The following PHF21B variants were observed in gnomAD, a reference collection of about 807,000 sequenced individuals.
The protein encoded by PHF21B is PHD finger protein 4.
Under a neutral mutation model 62.2 loss-of-function variants are expected in PHF21B, and 22 were observed. The observed-to-expected ratio is 0.35, with a 90% CI of 0.25 to 0.51. The LOEUF is 0.51. PHF21B is among the 20% of genes least tolerant of loss of function. PHF21B has a pLI of 0.97. For missense variants in PHF21B, 701 were observed against 707.9 expected (o/e 0.99, Z 0.11); for synonymous variants, 341 against 314.7 (o/e 1.08, Z -0.88).
intron 2 of PHF21B, among the ~76,000 whole-genome samples, chr22:44,939,155 G>C (rs1244351818): frequency 6.6e-6 from 1 of 152,230 alleles, no homozygotes; most frequent in Non-Finnish European, 1.5e-5. Context: ...CTCAGACAGG[G>C]CTGGGGAAGA....
intron 2 of PHF21B, among the ~76,000 whole-genome samples, chr22:45,007,491 C>T (rs1448624149): frequency 4.3e-5 from 6 of 138,718 alleles, no homozygotes; most frequent in African/African-American, 1.6e-4. Flanking sequence ...TTGGCGCTGG[C>T]GGCTGCGGCC....
chr22:44,964,509 A>ACT (rs1478683374), intron 2 of PHF21B, among the ~76,000 whole-genome samples: 6 of 152,206 alleles, frequency 3.9e-5, no homozygotes, highest in Non-Finnish European at 8.8e-5. Context: ...ACAGCCCCTG[A>ACT]CTCGGCAGGA....
At chr22:44,911,370 A>G (rs2071341139) in intron 5 of PHF21B, among the ~76,000 whole-genome samples, 1 of 152,152 alleles carries the variant, frequency 6.6e-6, no homozygotes, top group Non-Finnish European at 1.5e-5. Context: ...TCTCCAGGGA[A>G]TGTCAGAGAC....
In PHF21B at chr22:44,952,798, C is replaced by T. The variant is rs535547409; in HGVS notation, c.121-32308G>A. Among the ~76,000 whole-genome samples, 31 of 152,302 alleles carry T rather than the reference C, an allele frequency of 2.0e-4. 1 individual carries two copies. Among genetic ancestry groups the T allele is most frequent in the African/African-American group, 6.7e-4 (28 of 41,556 alleles). Reference sequence around the variant, plus strand: ...CTAAATAACCCCAGAGGTTCAGAGACCCTGGCAGCCCTCAGTGACGTGAAT... The same window carrying T: ...CTAAATAACCCCAGAGGTTCAGAGATCCTGGCAGCCCTCAGTGACGTGAAT... On this transcript the variant is annotated intron_variant, in intron 2 of 12. Transcript: ENST00000313237.
At chr22:44,965,637 T>C (rs1400702556) in intron 2 of PHF21B, among the ~76,000 whole-genome samples, 1 of 152,156 alleles carries the variant, frequency 6.6e-6, no homozygotes, top group Non-Finnish European at 1.5e-5. Context: ...CCCCAGGTGT[T>C]CTGGCTGTCT....
intron 5 of PHF21B, among the ~76,000 whole-genome samples, chr22:44,909,575 C>T (rs1369984648): frequency 1.3e-5 from 2 of 152,250 alleles, no homozygotes; most frequent in African/African-American, 2.4e-5. Context: ...AAAGATATTC[C>T]GTGGCTCCCC....
intron 2 of PHF21B, among the ~76,000 whole-genome samples, chr22:44,929,050 C>T (rs930376144): frequency 1.3e-5 from 2 of 152,362 alleles, no homozygotes; most frequent in African/African-American, 4.8e-5. Flanking sequence ...CCAGCCGCCA[C>T]GCGCACAGCC....
intron 2 of PHF21B, among the ~76,000 whole-genome samples, chr22:44,974,152 G>T (rs1024199649): frequency 2.0e-5 from 3 of 152,164 alleles, no homozygotes; most frequent in Non-Finnish European, 2.9e-5. Flanking sequence ...GGTGGCTCAC[G>T]TCTGTAATCC....
In PHF21B at chr22:44,881,384, A is replaced by C. The variant is rs972704681; in HGVS notation, c.*1702T>G. On this transcript the variant is annotated 3_prime_UTR_variant, in exon 13 of 13. Transcript: ENST00000313237. ...AAACATGTAACTCAATCCATCCGCG[A>C]AGAAAACCAAACCAACAGAAAAGGA... 2 of 152,708 alleles carry C rather than the reference A, an allele frequency of 1.3e-5. No homozygotes were observed. Among genetic ancestry groups the C allele is most frequent in the African/African-American group, 2.4e-5 (1 of 41,458 alleles). 9.5% of individuals were successfully genotyped at this position (152,708 alleles called of 1,614,324 possible).
intron 2 of PHF21B, among the ~76,000 whole-genome samples, chr22:44,974,817 T>C (rs565645120): frequency 2.5e-4 from 38 of 152,366 alleles, no homozygotes; most frequent in Admixed American, 5.2e-4. Flanking sequence ...TATGGAGATA[T>C]AGATGCCAAC....
intron 2 of PHF21B, among the ~76,000 whole-genome samples, chr22:44,994,774 C>G (rs1209577850): frequency 6.6e-6 from 1 of 152,230 alleles, no homozygotes; most frequent in Non-Finnish European, 1.5e-5. Flanking sequence ...CCCCCACTTA[C>G]ATACAGGCTG....
At chr22:44,936,326 TAG>T (rs2071846340) in intron 2 of PHF21B, among the ~76,000 whole-genome samples, 1 of 152,238 alleles carries the variant, frequency 6.6e-6, no homozygotes, top group Admixed American at 6.5e-5. Flanking sequence ...CGGCTCCTTG[TAG>T]AGAGGCCGCA....
chr22:44,930,661 G>A (rs1357886824), intron 2 of PHF21B, among the ~76,000 whole-genome samples: 5 of 152,212 alleles, frequency 3.3e-5, no homozygotes, highest in Admixed American at 2.0e-4. Context: ...GAGGAGAGGA[G>A]GGGCCTGCCA....
intron 2 of PHF21B, among the ~76,000 whole-genome samples, chr22:44,935,982 C>A (rs530029959): frequency 5.1e-4 from 77 of 152,352 alleles, no homozygotes; most frequent in African/African-American, 1.8e-3. Context: ...ATTCTGTTCT[C>A]TCTGCTGGGG....
intron 2 of PHF21B, among the ~76,000 whole-genome samples, chr22:44,955,767 C>G (rs921851181): frequency 2.0e-5 from 3 of 152,288 alleles, no homozygotes; most frequent in Admixed American, 2.0e-4. Context: ...TCTCAGCCTC[C>G]ACCATTGCAG....
chr22:44,970,208 T>C (rs142138408), intron 2 of PHF21B, among the ~76,000 whole-genome samples: 35 of 152,368 alleles, frequency 2.3e-4, no homozygotes, highest in African/African-American at 8.2e-4. Flanking sequence ...AAAAGCGTCC[T>C]GAAGGGAGGC....
intron 2 of PHF21B, among the ~76,000 whole-genome samples, chr22:44,955,641 C>G (rs901005897): frequency 2.0e-5 from 3 of 152,172 alleles, no homozygotes; most frequent in Admixed American, 6.5e-5. Flanking sequence ...AGCTCCTGGT[C>G]CCCAGGCCTT....
chr22:44,893,023 C>G (rs1400034951), intron 7 of PHF21B, among the ~76,000 whole-genome samples: 1 of 151,510 alleles, frequency 6.6e-6, no homozygotes, highest in Non-Finnish European at 1.5e-5. Context: ...CCTTTCTTTA[C>G]GGTGCCCGCC....
intron 2 of PHF21B, among the ~76,000 whole-genome samples, chr22:44,978,952 G>A (rs1460850650): frequency 7.2e-5 from 11 of 152,230 alleles, no homozygotes; most frequent in African/African-American, 2.4e-5. Flanking sequence ...GGGAGAAAAC[G>A]CAGGACAGGG....
Sources: gnomAD v4.1 joint callset for allele counts (sites outside exome capture counted in the v4.1 genomes callset) on GRCh38, gnomAD v4.1.1 for gene constraint, MANE v1.5 for transcripts, NCBI Gene and HGNC (gene_info 2026-07-23, HGNC 2026-07-21) for gene names.